Variants in TGIF1 observed in about 807,000 individuals in gnomAD.
TGIF1 encodes homeobox protein TGIF1.
Under a neutral mutation model 19.3 loss-of-function variants are expected in TGIF1, and 4 were observed. That is an observed-to-expected ratio of 0.21 (90% CI 0.10 to 0.47). The LOEUF is 0.47. Among genes scored for constraint, TGIF1 ranks in the 20% least tolerant of loss-of-function variants. TGIF1 has a pLI of 0.98. For missense variants in TGIF1, 275 were observed against 341.4 expected (o/e 0.81, Z 1.53); for synonymous variants, 122 against 129.3 (o/e 0.94, Z 0.38).
chr18:3,434,233 T>C (rs531016185), intron 2 of TGIF1, among the ~76,000 whole-genome samples: 1 of 151,858 alleles, frequency 6.6e-6, no homozygotes, highest in South Asian at 2.1e-4. Context: ...CTACTAAAAA[T>C]ACAAAAATTA....
At chr18:3,425,973 C>T (rs1470958413) in intron 2 of TGIF1, among the ~76,000 whole-genome samples, 4 of 151,936 alleles carry the variant, frequency 2.6e-5, no homozygotes. Flanking sequence ...CCTGCCCTGC[C>T]CCCGCCCCAT....
intron 2 of TGIF1, among the ~76,000 whole-genome samples, chr18:3,427,099 AT>A (rs1208054184): frequency 6.6e-6 from 1 of 151,702 alleles, no homozygotes; most frequent in Admixed American, 6.6e-5. Context: ...TTGCGCCACC[AT>A]GCCCGGCTAA....
Position 3,453,724 on chromosome 18 carries a change from A to AGGT in TGIF1, c.17-2629_17-2627dup, listed in dbSNP as rs1178750726. On this transcript the variant is annotated intron_variant, in intron 1 of 2. Transcript: ENST00000343820. ...AAAAAAAAAAGAACGTGCAGGAACA[A>AGGT]GGTCGCTGCTTAGGGCGGTGGGATC... 8.4e-6 allele frequency: 6 copies of AGGT among 717,994 alleles called. No individual in the cohort carries two copies. The Admixed American group carries it at 3.2e-4, about 38-fold the overall frequency. The allele number at this position is 717,994 out of a possible 1,614,324, so 44.5% of individuals were successfully genotyped here. A position where few individuals can be genotyped will look rare whatever the true frequency, so the allele number is the denominator to read the frequency against.
At position 3,416,901 on chromosome 18, in the gene TGIF1, A is replaced by G. The variant is rs1190988906; in HGVS notation, c.-117-1242A>G. On this transcript the variant is annotated intron_variant, in intron 1 of 3. Transcript: ENST00000401449. ...AGCCAAGATCATCCCATTGCACTCC[A>G]GCCTGGGTAACAAAGCAAGACTTTG... Among the ~76,000 whole-genome samples, 3 of 152,254 alleles carry G rather than the reference A, an allele frequency of 2.0e-5. No homozygotes were observed. The East Asian group carries it at 5.8e-4, about 29-fold the overall frequency.
upstream of TGIF1, chr18:3,449,642 C>T (rs2082836819): frequency 3.0e-6 from 3 of 985,036 alleles, no homozygotes; most frequent in South Asian, 1.4e-4. Context: ...ATGGCAGCCG[C>T]GCATTCTGGA....
intron 2 of TGIF1, among the ~76,000 whole-genome samples, chr18:3,422,832 A>G (rs2143145159): frequency 6.6e-6 from 1 of 151,540 alleles, no homozygotes; most frequent in East Asian, 1.9e-4. Flanking sequence ...CTGGGACTAC[A>G]GGCACCCGCC....
chr18:3,432,324 A>G (rs142006243), intron 2 of TGIF1, among the ~76,000 whole-genome samples: 53 of 152,282 alleles, frequency 3.5e-4, no homozygotes, highest in East Asian at 3.1e-3. Flanking sequence ...ACCATTCTAC[A>G]TTAAAGGAGA....
intron 2 of TGIF1, among the ~76,000 whole-genome samples, chr18:3,441,140 A>G (rs1292493042): frequency 1.3e-5 from 2 of 152,126 alleles, no homozygotes; most frequent in African/African-American, 4.8e-5. Flanking sequence ...TTAAACACAG[A>G]GTTTTTCTTT....
intron 2 of TGIF1, among the ~76,000 whole-genome samples, chr18:3,429,094 T>C (rs1243484338): frequency 6.6e-6 from 1 of 152,148 alleles, no homozygotes; most frequent in Non-Finnish European, 1.5e-5. Context: ...CCTTGCTCTG[T>C]TGCCCAGTGT....
rs1286493045 is a variant in TGIF1 at position 3,456,582 on chromosome 18, TAAAG to T, written c.243+8_243+11del. The T allele has an allele frequency of 8.7e-6, 14 of 1,613,864 alleles. No homozygotes were observed. Among genetic ancestry groups the T allele is most frequent in the East Asian group, 2.2e-5 (1 of 44,890 alleles). Reference sequence around the variant, plus strand: ...CAAACACACCTGTCTACGCTACAGGTAAAGAAAGAGAGCGTGAGGTTTATGGATG... The same window carrying T: ...CAAACACACCTGTCTACGCTACAGGTAAAGAGAGCGTGAGGTTTATGGATG... On this transcript the variant is annotated splice_donor_5th_base_variant and intron_variant, in intron 2 of 2. Transcript: ENST00000343820. This position sits in a 1 kb window ranked among gnomAD's most constrained non-coding sequence, Gnocchi z 4.2.
chr18:3,433,567 G>C (rs182184817), intron 2 of TGIF1, among the ~76,000 whole-genome samples: 1 of 152,190 alleles, frequency 6.6e-6, no homozygotes, highest in Non-Finnish European at 1.5e-5. Context: ...ATTCATGGAG[G>C]TTAAGACGGA....
Position 3,450,522 on chromosome 18 carries a change from C to T in TGIF1, c.16+17C>T, listed in dbSNP as rs2082873663. On this transcript the variant is annotated intron_variant, in intron 1 of 2. Coordinates refer to ENST00000343820, the MANE Select transcript of TGIF1 (RefSeq NM_003244.4). Reference sequence around the variant, plus strand: ...GCAAGAAAGGTAAGGCGGCCGCGGGCTGCGCGCACCAGAAGACGCGAGTCC... The same window carrying T: ...GCAAGAAAGGTAAGGCGGCCGCGGGTTGCGCGCACCAGAAGACGCGAGTCC... 6.4e-7 allele frequency: 1 copy of T among 1,559,308 alleles called. No homozygotes were observed. Among genetic ancestry groups the T allele is most frequent in the Non-Finnish European group, 8.7e-7 (1 of 1,152,064 alleles).
chr18:3,456,696 T>G lies in TGIF1; in HGVS notation c.243+116T>G. The stretch of plus-strand genomic sequence containing the variant: ...GCCACTCAAAGACAGAAGGAATATC[T>G]TTTTATTGTAAACTTGATAGTGTTA... On this transcript the variant is annotated intron_variant, in intron 2 of 2. Transcript: ENST00000343820. The surrounding 1 kb of genome is among the most constrained non-coding windows in gnomAD (Gnocchi z 4.2). 1.1e-6 allele frequency: 1 copy of G among 933,854 alleles called. No individual in the cohort carries two copies. Among genetic ancestry groups the G allele is most frequent in the Non-Finnish European group, 1.7e-6 (1 of 588,522 alleles). 57.8% of individuals were successfully genotyped at this position (933,854 alleles called of 1,614,324 possible). A position where few individuals can be genotyped will look rare whatever the true frequency, so the allele number is the denominator to read the frequency against.
At chr18:3,449,060 C>G (rs1319908335), upstream of TGIF1, among the ~76,000 whole-genome samples, 3 of 152,084 alleles carry the variant, frequency 2.0e-5, no homozygotes, top group Non-Finnish European at 4.4e-5. Flanking sequence ...AAACTAGAAC[C>G]AGAGGAGGGG....
chr18:3,451,978 G>A lies in TGIF1; in HGVS notation c.16+1473G>A, dbSNP rs200056810. On this transcript the variant is annotated intron_variant, in intron 1 of 2. Transcript: ENST00000343820. This position sits in a 1 kb window ranked among gnomAD's most constrained non-coding sequence, Gnocchi z 5.4. ...ATAAGTGAGGGGCTCTGTGTTTCGA[G>A]GATGGTTCTAGCGCAGAGCCGGGTG... The A allele has an allele frequency of 6.3e-6, 10 of 1,579,234 alleles. No individual in the cohort carries two copies. Among genetic ancestry groups the A allele is most frequent in the Non-Finnish European group, 7.8e-6 (9 of 1,160,834 alleles).
At chr18:3,450,609 G>C in intron 1 of TGIF1, 104 bp downstream of exon 1, 3 of 1,544,458 alleles carry the variant, frequency 1.9e-6, no homozygotes, top group South Asian at 1.2e-5. Flanking sequence ...TCCGCCCAGG[G>C]GCTCTCATGC....
At chr18:3,419,263 G>A (rs543771274) in intron 2 of TGIF1, among the ~76,000 whole-genome samples, 1 of 152,134 alleles carries the variant, frequency 6.6e-6, no homozygotes, top group African/African-American at 2.4e-5. Context: ...TAGATTAAAT[G>A]ACAAAATTCA....
intron 1 of TGIF1, among the ~76,000 whole-genome samples, chr18:3,452,786 A>G (rs2083019834): frequency 6.6e-6 from 1 of 152,154 alleles, no homozygotes; most frequent in Non-Finnish European, 1.5e-5. Flanking sequence ...CTTGTCTTAT[A>G]AAAGTCTGCA....
chr18:3,449,538 TCCCCCCC>T (rs1211754715), upstream of TGIF1: 6 of 963,130 alleles, frequency 6.2e-6, no homozygotes, highest in African/African-American at 1.1e-4. Flanking sequence ...GTCTCATCAT[TCCCCCCC>T]GCCCCACCCC....
Sources: allele counts gnomAD v4.1 joint callset (sites outside exome capture counted in the v4.1 genomes callset), GRCh38; gene constraint gnomAD v4.1.1; non-coding constraint Gnocchi (gnomAD v3.1); transcripts MANE v1.5; gene names NCBI Gene and HGNC (gene_info 2026-07-23, HGNC 2026-07-21).